Variants in NIBAN2 observed in about 807,000 individuals in gnomAD.
The protein encoded by NIBAN2 is niban apoptosis regulator 2, also known as protein Niban 2.
In NIBAN2, 36 loss-of-function variants were observed where a neutral mutation model predicts 81.8. That is an observed-to-expected ratio of 0.44 (90% CI 0.34 to 0.58). NIBAN2 has a LOEUF of 0.58. Among genes scored for constraint, NIBAN2 ranks in the 20% least tolerant of loss-of-function variants. NIBAN2 has a pLI of 0.02. For synonymous variants in NIBAN2, 445 were observed against 441.6 expected (o/e 1.01, Z -0.10); for missense variants, 897 against 1,014.1 (o/e 0.88, Z 1.57).
intron 1 of NIBAN2, among the ~76,000 whole-genome samples, chr9:127,551,783 G>T (rs577882935): frequency 6.6e-6 from 1 of 152,280 alleles, no homozygotes; most frequent in East Asian, 1.9e-4. Context: ...GGGAGCTGCT[G>T]CCAGGCTGGC....
rs1019088353 is a variant in NIBAN2 at position 127,525,112 on chromosome 9, T to G, written c.367A>C (p.Lys123Gln). The change falls in exon 4 of 14, where the codon AAA becomes CAA. Residue 123 changes from lysine (K) to glutamine (Q), a missense_variant. Around this residue, in one of 3 missense-constraint regions of NIBAN2, gnomAD observed 209 missense variants for 208.4 expected, o/e 1.00. Transcript: ENST00000373312. ...PRAVINSAGYKILTSVDQYLE... is the reference protein window; with the variant it reads ...PRAVINSAGYQILTSVDQYLE... ...TATTGGTCCACGGACGTGAGGATTT[T>G]GTAGCCTGCACTGTTGATGACGGCT... is the stretch of plus-strand genomic sequence containing the variant. 6.2e-6 allele frequency: 10 copies of G among 1,614,084 alleles called. No homozygotes were observed. In the Admixed American group the frequency reaches 6.7e-5, roughly 11 times the overall value.
rs149383501 is a variant in NIBAN2 at position 127,507,247 on chromosome 9, C to T, written c.1839G>A (p.Ser613=). 1.1e-4 allele frequency: 183 copies of T among 1,609,582 alleles called. No homozygotes were observed. The highest frequency in any genetic ancestry group is 1.5e-4 in the Non-Finnish European group (173 of 1,177,456). ...SPSTPESATL[S]EKRRRAKQVV... is the part of the protein sequence containing the mutation. ...CCTGCTTGGCGCGCCGTCGCTTTTC[C>T]GAGAGGGTGGCTGACTCCGGGGTGC... Residue 613 remains serine, a synonymous_variant, in exon 14 of 14, where the codon TCG becomes TCA. Transcript: ENST00000373312. The surrounding 1 kb of genome is among the most constrained non-coding windows in gnomAD (Gnocchi z 6.8).
chr9:127,527,293 C>T lies in NIBAN2; in HGVS notation c.216G>A (p.Ser72=), dbSNP rs143881530. Residue 72 remains serine, a synonymous_variant, in exon 3 of 14, where the codon TCG becomes TCA. Transcript: ENST00000373312. ...KVPLDERIVF[S]GNLFQHQEDS... is the part of the protein sequence containing the mutation. ...CCTCCTGGTGCTGGAAGAGGTTCCCCGAGAAGACGATGCGCTCGTCCAGTG... is the reference window on the plus strand; with the variant it reads ...CCTCCTGGTGCTGGAAGAGGTTCCCTGAGAAGACGATGCGCTCGTCCAGTG... The T allele has an allele frequency of 6.6e-5, 107 of 1,613,086 alleles. No individual in the cohort carries two copies. The Admixed American group carries it at 8.5e-4, about 13-fold the overall frequency.
rs1837815453 is a variant in NIBAN2, at chr9:127,563,927, T to C, written c.55+4893A>G. Among the ~76,000 whole-genome samples the C allele has an allele frequency of 6.6e-6, 1 of 152,192 alleles. No individual in the cohort carries two copies. Reference sequence around the variant, plus strand: ...TTGTCAAAAGGATGAAAATGCTCAATGCTAAGGTCCATCTTAGCAGGAGAG... The same window carrying C: ...TTGTCAAAAGGATGAAAATGCTCAACGCTAAGGTCCATCTTAGCAGGAGAG... On this transcript the variant is annotated intron_variant, in intron 1 of 13. Coordinates refer to ENST00000373312, the MANE Select transcript of NIBAN2 (RefSeq NM_022833.4). This position sits in a 1 kb window ranked among gnomAD's most constrained non-coding sequence, Gnocchi z 4.1.
chr9:127,550,029 G>T (rs375291421), intron 1 of NIBAN2, among the ~76,000 whole-genome samples: 1 of 152,202 alleles, frequency 6.6e-6, no homozygotes, highest in Middle Eastern at 3.2e-3. Context: ...TTCCCCGGGG[G>T]AGTCCCTTGA....
At chr9:127,578,819 T>C in intron 1 of NIBAN2, 2 of 1,122,406 alleles carry the variant, frequency 1.8e-6, no homozygotes, top group Admixed American at 4.0e-5. Flanking sequence ...ATCATTCCGC[T>C]GCACTCCAGC....
chr9:127,508,730 G>A lies in NIBAN2; in HGVS notation c.1318-192C>T, dbSNP rs1836666596. Reference sequence around the variant, plus strand: ...CCTGCCTCAAGGCAACAGGAAATATGGGAAGGGGCCTGGGGGCGCAAGGAG... The same window carrying A: ...CCTGCCTCAAGGCAACAGGAAATATAGGAAGGGGCCTGGGGGCGCAAGGAG... On this transcript the variant is annotated intron_variant, in intron 10 of 13. Coordinates refer to ENST00000373312, the MANE Select transcript of NIBAN2 (RefSeq NM_022833.4). The surrounding 1 kb of genome is among the most constrained non-coding windows in gnomAD (Gnocchi z 6.4). Among the ~76,000 whole-genome samples the A allele has an allele frequency of 6.6e-6, 1 of 152,094 alleles. No individual in the cohort carries two copies. Among genetic ancestry groups the A allele is most frequent in the South Asian group, 2.1e-4 (1 of 4,830 alleles).
chr9:127,574,042 T>C (rs4836568), upstream of NIBAN2, among the ~76,000 whole-genome samples: 4,205 of 152,272 alleles, frequency 0.028, 78 homozygotes, highest in Middle Eastern at 0.048. Context: ...TTTGTAAGAG[T>C]TCTTTCTATA....
Position 127,507,568 on chromosome 9 carries a change from T to C in NIBAN2, c.1655-137A>G, listed in dbSNP as rs1836634850. On this transcript the variant is annotated intron_variant, in intron 13 of 13. Coordinates refer to ENST00000373312, the MANE Select transcript of NIBAN2 (RefSeq NM_022833.4). The surrounding 1 kb of genome is among the most constrained non-coding windows in gnomAD (Gnocchi z 6.8). ...GGGATGTGACTCATTCCAGGCCTCG[T>C]TGCTGAAAGCAGCAAGGCCGTGATG... The C allele has an allele frequency of 3.7e-6, 3 of 807,614 alleles. No homozygotes were observed. Among genetic ancestry groups the C allele is most frequent in the Admixed American group, 3.0e-5 (1 of 33,482 alleles). The allele number at this position is 807,614 out of a possible 1,614,324, so 50.0% of individuals were successfully genotyped here. A position where few individuals can be genotyped will look rare whatever the true frequency, so the allele number is the denominator to read the frequency against.
intron 1 of NIBAN2, among the ~76,000 whole-genome samples, chr9:127,562,844 T>C (rs2132236143): frequency 1.3e-5 from 2 of 152,252 alleles, no homozygotes; most frequent in South Asian, 4.1e-4. Flanking sequence ...TGTCCTCAAA[T>C]GGAATAAAAT....
intron 4 of NIBAN2, among the ~76,000 whole-genome samples, chr9:127,524,606 G>A (rs1035971329): frequency 2.0e-5 from 3 of 152,092 alleles, no homozygotes; most frequent in South Asian, 2.1e-4. Context: ...AATGCCGCTC[G>A]AATCCAGGAA....
intron 1 of NIBAN2, among the ~76,000 whole-genome samples, chr9:127,562,401 T>C (rs1445023956): frequency 6.6e-6 from 1 of 152,242 alleles, no homozygotes; most frequent in Non-Finnish European, 1.5e-5. Context: ...ACATAGCAAG[T>C]GCTCAGTTAA....
chr9:127,569,139 GC>G (rs1053291266), upstream of NIBAN2: 53 of 724,358 alleles, frequency 7.3e-5, no homozygotes, highest in Non-Finnish European at 8.1e-5. Flanking sequence ...CCACGCCCCC[GC>G]AGGCCAACCC....
Position 127,510,230 on chromosome 9 carries a change from A to T in NIBAN2, c.1077T>A (p.Thr359=). ...ALMVPTSQGF[T]EVRDVFFKEV... ...CCTTGAAGAAGACATCTCGCACCTCAGTGAAGCCCTGGCTGGTGGGGACCA... is the reference window on the plus strand; with the variant it reads ...CCTTGAAGAAGACATCTCGCACCTCTGTGAAGCCCTGGCTGGTGGGGACCA... The change falls in exon 9 of 14, where the codon ACT becomes ACA. Residue 359 remains threonine (T), a synonymous_variant. Coordinates refer to ENST00000373312, the MANE Select transcript of NIBAN2 (RefSeq NM_022833.4). 1 of 1,614,078 alleles carries T rather than the reference A, an allele frequency of 6.2e-7. No homozygotes were observed. Among genetic ancestry groups the T allele is most frequent in the Non-Finnish European group, 8.5e-7 (1 of 1,179,982 alleles).
intron 5 of NIBAN2, among the ~76,000 whole-genome samples, chr9:127,520,672 T>G (rs571814737): frequency 6.6e-6 from 1 of 152,052 alleles, no homozygotes; most frequent in South Asian, 2.1e-4. Context: ...TCCCAGCACT[T>G]TGGGAGGCCG....
In NIBAN2 at chr9:127,510,173, G is replaced by A. The variant is rs770588471; in HGVS notation, c.1134C>T (p.Asn378=). 6.8e-6 allele frequency: 11 copies of A among 1,613,198 alleles called. No individual in the cohort carries two copies. The highest frequency in any genetic ancestry group is 2.7e-5 in the African/African-American group (2 of 74,914). The change falls in exon 9 of 14, where the codon AAC becomes AAT. Residue 378 remains asparagine, a synonymous_variant. Coordinates refer to ENST00000373312, the MANE Select transcript of NIBAN2 (RefSeq NM_022833.4). ...CGCCCAGCTTGTCAATGCCGCCCTC[G>A]TTGATGACGTTCAGGTTCATGTCCG... The part of the protein sequence containing the change: ...EVTDMNLNVI[N]EGGIDKLGEY...
Position 127,506,532 on chromosome 9 carries a change from G to C in NIBAN2, c.*313C>G. ...GGATGGCAGCACCCATGAGGGGATG[G>C]AGGCCACAGAAGGACAGGAAGGGAG... On this transcript the variant is annotated 3_prime_UTR_variant, in exon 14 of 14. Transcript: ENST00000373312. 3.6e-6 allele frequency: 1 copy of C among 278,300 alleles called. No individual in the cohort carries two copies. Among genetic ancestry groups the C allele is most frequent in the South Asian group, 1.4e-4 (1 of 6,966 alleles). 17.2% of individuals were successfully genotyped at this position (278,300 alleles called of 1,614,324 possible). A position where few individuals can be genotyped will look rare whatever the true frequency, so the allele number is the denominator to read the frequency against.
chr9:127,510,096 AC>A (rs749677034), intron 9 of NIBAN2, 49 bp downstream of exon 9: 1 of 1,551,360 alleles, frequency 6.4e-7, no homozygotes, highest in East Asian at 2.3e-5. Flanking sequence ...TCTGGGACAG[AC>A]CAGACCTACT....
In NIBAN2 at chr9:127,536,096, T is replaced by G. The variant is rs887670302; in HGVS notation, c.56-4318A>C. On this transcript the variant is annotated intron_variant, in intron 1 of 13. Coordinates refer to ENST00000373312, the MANE Select transcript of NIBAN2 (RefSeq NM_022833.4). This position sits in a 1 kb window ranked among gnomAD's most constrained non-coding sequence, Gnocchi z 4.0. ...GGAAACAGGGCCACGGATGGCTCCT[T>G]GGCAGGGGTAGCCCCGAGCACATTC... 6.6e-6 allele frequency among the ~76,000 whole-genome samples: 1 copy of G among 152,018 alleles called. No homozygotes were observed. The highest frequency in any genetic ancestry group is 2.1e-4 in the South Asian group (1 of 4,812).
Sources: allele counts gnomAD v4.1 joint callset (sites outside exome capture counted in the v4.1 genomes callset), GRCh38; gene constraint gnomAD v4.1.1; regional missense constraint gnomAD v4.1.1; non-coding constraint Gnocchi (gnomAD v3.1); transcripts MANE v1.5; gene names NCBI Gene and HGNC (gene_info 2026-07-23, HGNC 2026-07-21).